The following ZAN variants were observed in gnomAD, a reference collection of about 807,000 sequenced individuals.
The protein encoded by ZAN is zonadhesin.
Under a neutral mutation model 286.2 loss-of-function variants are expected in ZAN, and 260 were observed. The observed-to-expected ratio is 0.91, with a 90% CI of 0.82 to 1.01. The LOEUF is 1.01. Among genes scored for constraint, ZAN ranks in the 50% least tolerant of loss-of-function variants. ZAN has a pLI of 0.00. For missense variants in ZAN, 3,410 were observed against 3,639.2 expected, an observed-to-expected ratio of 0.94 and a Z score of 1.62; for synonymous variants, 1,368 against 1,417.5, an observed-to-expected ratio of 0.97 and a Z score of 0.79.
Position 100,750,663 on chromosome 7 carries a change from C to G in ZAN, c.1288C>G (p.Gln430Glu). 6 of 1,613,424 alleles carry G rather than the reference C, an allele frequency of 3.7e-6. No homozygotes were observed. The highest frequency in any genetic ancestry group is 5.1e-6 in the Non-Finnish European group (6 of 1,179,710). The change falls in exon 12 of 48, where the codon CAG becomes GAG. Residue 430 changes from glutamine (Q) to glutamate (E), a missense_variant. Physicochemically the swap from Gln to Glu is conservative, Grantham distance 29. Around this residue, in one of 7 missense-constraint regions of ZAN, gnomAD observed 872 missense variants for 938.9 expected, o/e 0.93. Coordinates refer to ENST00000613979, the MANE Select transcript of ZAN (RefSeq NM_003386.3). The part of the protein sequence containing the change: ...YIYLEADEFS[Q>E]AGQSVRLVSR... Reference sequence around the variant, plus strand: ...CTACCTTGAGGCTGACGAGTTCTCCCAGGCAGGCCAGTCAGTCAGACTGGT... The same window carrying G: ...CTACCTTGAGGCTGACGAGTTCTCCGAGGCAGGCCAGTCAGTCAGACTGGT...
At chr7:100,771,740 C>T in intron 28 of ZAN, 104 bp from the exon 29 acceptor site, 1 of 1,299,702 alleles carries the variant, frequency 7.7e-7, no homozygotes, top group Non-Finnish European at 1.0e-6. Flanking sequence ...CGGGAAAATC[C>T]AGGTTTTGAC....
At chr7:100,777,046 C>T (rs34361556) in intron 34 of ZAN, among the ~76,000 whole-genome samples, 54,081 of 149,350 alleles carry the variant, frequency 0.36, 11,014 homozygotes, top group East Asian at 0.8. Context: ...TCCTTTCTTT[C>T]GTTCTTTTTT....
chr7:100,767,595 C>T (rs1810080415), intron 25 of ZAN, among the ~76,000 whole-genome samples: 1 of 151,308 alleles, frequency 6.6e-6, no homozygotes, highest in South Asian at 2.1e-4. Context: ...CCCACCTCGG[C>T]CTCCTAAGTA....
In ZAN at chr7:100,764,192, C is replaced by T. The variant is rs778598678; in HGVS notation, c.4263C>T (p.Phe1421=). 5 of 1,555,442 alleles carry T rather than the reference C, an allele frequency of 3.2e-6. No individual in the cohort carries two copies. The East Asian group carries it at 9.3e-5, about 29-fold the overall frequency. ...HAVKPWREPH[F]CPMACPPNSK... ...TGAAGCCCTGGAGGGAACCCCACTT[C>T]TGCCGTGAGTTGTGCCAAACTCAGA... The change falls in exon 22 of 48, where the codon TTC becomes TTT. Residue 1421 remains phenylalanine, a synonymous_variant. Coordinates refer to ENST00000613979, the MANE Select transcript of ZAN (RefSeq NM_003386.3).
intron 35 of ZAN, among the ~76,000 whole-genome samples, chr7:100,781,984 G>A (rs1438129233): frequency 6.6e-6 from 1 of 152,138 alleles, no homozygotes; most frequent in Non-Finnish European, 1.5e-5. Flanking sequence ...TTATGAGTGA[G>A]ATTGGACATT....
rs765966911 is a variant in ZAN, at chr7:100,748,131, C to T, written c.1024-6C>T. 1.2e-6 allele frequency: 2 copies of T among 1,613,538 alleles called. No individual in the cohort carries two copies. The highest frequency in any genetic ancestry group is 1.7e-6 in the Non-Finnish European group (2 of 1,179,732). Reference sequence around the variant, plus strand: ...TCACTCCTGCTCCATCTCCCTTTCTCTCCAGTTTGCCGTGGTAGGCGTTTT... The same window carrying T: ...TCACTCCTGCTCCATCTCCCTTTCTTTCCAGTTTGCCGTGGTAGGCGTTTT... On this transcript the variant is annotated splice_polypyrimidine_tract_variant and splice_region_variant and intron_variant, in intron 9 of 47. Coordinates refer to ENST00000613979, the MANE Select transcript of ZAN (RefSeq NM_003386.3).
Position 100,789,200 on chromosome 7 carries a change from C to A in ZAN, c.7228-18C>A. ...GGAGGATTCAGCCCTGTCTGTGGCT[C>A]CTGTCTTCCCTCTTTAGGTCAACAA... On this transcript the variant is annotated intron_variant, in intron 38 of 47. Transcript: ENST00000613979. 6.2e-7 allele frequency: 1 copy of A among 1,609,900 alleles called. No homozygotes were observed. The highest frequency in any genetic ancestry group is 1.1e-5 in the South Asian group (1 of 90,740).
intron 14 of ZAN, 151 bp from the exon 15 acceptor site, chr7:100,755,075 C>A: frequency 2.3e-6 from 2 of 870,570 alleles, no homozygotes; most frequent in Non-Finnish European, 1.7e-6. Context: ...TAGGTGTGAG[C>A]CACCGCACCC....
At chr7:100,762,128 C>G in intron 19 of ZAN, 87 bp from the exon 20 acceptor site, 1 of 1,555,722 alleles carries the variant, frequency 6.4e-7, no homozygotes, top group Non-Finnish European at 8.8e-7. Flanking sequence ...GTTTTAGGAT[C>G]CCAGCTCCTT....
Position 100,766,559 on chromosome 7 carries a change from AGTTGTGC to A in ZAN, c.4508_4514del (p.Leu1503SerfsTer47). On this transcript the variant is annotated frameshift_variant, in exon 24 of 48. Transcript: ENST00000613979. LOFTEE classifies it high-confidence loss of function. ...CGGTGGTACAAGCCAGGCTGCAAAG[AGTTGTGC>A]GTCTGTGAAAGCAACAACAGAATTC... The A allele has an allele frequency of 6.4e-7, 1 of 1,551,964 alleles. No homozygotes were observed. The highest frequency in any genetic ancestry group is 1.2e-5 in the South Asian group (1 of 84,058).
At position 100,767,905 on chromosome 7, in the gene ZAN, C is replaced by T. The variant is rs377081331; in HGVS notation, c.4935C>T (p.Leu1645=). The change falls in exon 26 of 48, where the codon CTC becomes CTT. Residue 1645 remains leucine, a synonymous_variant. Coordinates refer to ENST00000613979, the MANE Select transcript of ZAN (RefSeq NM_003386.3). Reference sequence around the variant, plus strand: ...TGACCATAAGGCTCAGCAGCAACCTCGTCCTCCTCTACACGAACTTTGGGC... The same window carrying T: ...TGACCATAAGGCTCAGCAGCAACCTTGTCCTCCTCTACACGAACTTTGGGC... The part of the protein sequence containing the change: ...GRVTIRLSSN[L]VLLYTNFGLQ... 4.8e-4 allele frequency: 771 copies of T among 1,613,988 alleles called. 1 individual carries two copies. Among genetic ancestry groups the T allele is most frequent in the Non-Finnish European group, 6.1e-4 (715 of 1,179,880 alleles).
At chr7:100,789,578 G>C (rs971018918) in intron 39 of ZAN, among the ~76,000 whole-genome samples, 4 of 152,176 alleles carry the variant, frequency 2.6e-5, no homozygotes, top group Non-Finnish European at 1.5e-5. Flanking sequence ...GGGAAGCTGA[G>C]GTGGGAGGAT....
intron 22 of ZAN, 102 bp from the exon 23 acceptor site, chr7:100,765,250 A>T: frequency 1.5e-6 from 2 of 1,311,270 alleles, no homozygotes; most frequent in Non-Finnish European, 2.1e-6. Flanking sequence ...GAGATTGGCC[A>T]GAAGCCTGGA....
rs538780910 is a variant in ZAN, at chr7:100,739,072, C to G, written c.766+459C>G. Among the ~76,000 whole-genome samples, 4 of 127,370 alleles carry G rather than the reference C, an allele frequency of 3.1e-5. No homozygotes were observed. The South Asian group carries it at 1.0e-3, about 32-fold the overall frequency. The allele number at this position is 127,370 out of a possible 152,430, so 83.6% of individuals were successfully genotyped here. A position where few individuals can be genotyped will look rare whatever the true frequency, so the allele number is the denominator to read the frequency against. On this transcript the variant is annotated intron_variant, in intron 7 of 47. Transcript: ENST00000613979. The stretch of plus-strand genomic sequence containing the variant: ...TGTCACCCAGTCTGGAGTGCAGTGG[C>G]GTGATCTCTGCTCACTGCAACCTCT...
chr7:100,737,469 G>T, intron 6 of ZAN, 120 bp downstream of exon 6: 2 of 663,668 alleles, frequency 3.0e-6, no homozygotes, highest in South Asian at 4.3e-5. Context: ...CACTTTGGGA[G>T]GCCGAGGCGG....
In ZAN at chr7:100,758,645, C is replaced by T; in HGVS notation, c.3566C>T (p.Ser1189Leu). 1 of 1,553,760 alleles carries T rather than the reference C, an allele frequency of 6.4e-7. No homozygotes were observed. The highest frequency in any genetic ancestry group is 1.2e-5 in the South Asian group (1 of 84,146). ...TYILAQPCGN[S>L]TDPFFRVTAK... ...ATCTTGGCCCAGCCCTGTGGCAACT[C>T]AACAGGTAGGCCCTGGAGATGCCAC... Residue 1189 changes from serine (S) to leucine (L), a missense_variant, in exon 17 of 48, where the codon TCA (serine) becomes TTA (leucine). This residue lies in a region of ZAN where 1,042 missense variants were observed against 1,058.0 expected (regional missense o/e 0.98). Coordinates refer to ENST00000613979, the MANE Select transcript of ZAN (RefSeq NM_003386.3).
chr7:100,738,871 T>TTCTCCTTCTCCTTCTC (rs1807500066), intron 7 of ZAN, among the ~76,000 whole-genome samples: 5 of 23,708 alleles, frequency 2.1e-4, no homozygotes, highest in South Asian at 2.8e-3. Context: ...TTCCTCTTCT[T>TTCTCCTTCTCCTTCTC]CTTCTCCCTC....
At position 100,779,559 on chromosome 7, in the gene ZAN, C is replaced by A. The variant is rs202133671; in HGVS notation, c.6431C>A (p.Ala2144Glu). The part of the protein sequence containing the change: ...LRRAREKCEA[A>E]LRAPVWAQCA... ...AGGGCGCGGGAAAAGTGCGAGGCAG[C>A]GCTCCGGGCTCCTGTGTGGGCCCAG... Residue 2144 changes from alanine to glutamate, a missense_variant, in exon 35 of 48, where the codon GCG becomes GAG. Ala to Glu is a moderately radical substitution (Grantham distance 107). Coordinates refer to ENST00000613979, the MANE Select transcript of ZAN (RefSeq NM_003386.3). 6.2e-7 allele frequency: 1 copy of A among 1,610,854 alleles called. No individual in the cohort carries two copies. The highest frequency in any genetic ancestry group is 8.5e-7 in the Non-Finnish European group (1 of 1,178,682).
Position 100,746,708 on chromosome 7 carries a change from A to C in ZAN, c.931+6A>C. The C allele has an allele frequency of 6.2e-7, 1 of 1,613,796 alleles. No individual in the cohort carries two copies. Among genetic ancestry groups the C allele is most frequent in the Non-Finnish European group, 8.5e-7 (1 of 1,179,816 alleles). ...CATTTATGCTTCAGTCTTGGGTTAG[A>C]GCGGAGAATTAATGGGATTTACACT... On this transcript the variant is annotated splice_donor_region_variant and intron_variant, in intron 8 of 47. Transcript: ENST00000613979.
Sources: allele counts gnomAD v4.1 joint callset (sites outside exome capture counted in the v4.1 genomes callset), GRCh38; gene constraint gnomAD v4.1.1; regional missense constraint gnomAD v4.1.1; transcripts MANE v1.5; gene names NCBI Gene and HGNC (gene_info 2026-07-23, HGNC 2026-07-21).